The following SIPA1L2 variants were observed in gnomAD, a reference collection of about 807,000 sequenced individuals.
The protein encoded by SIPA1L2 is signal-induced proliferation-associated 1-like protein 2.
In SIPA1L2, 56 loss-of-function variants were observed where a neutral mutation model predicts 163.9. That is an observed-to-expected ratio of 0.34 (90% CI 0.28 to 0.43). The LOEUF is 0.43. Among genes scored for constraint, SIPA1L2 ranks in the 20% least tolerant of loss-of-function variants. The probability of loss-of-function intolerance (pLI) is 1.00; values close to 1 mark genes in which losing one functional copy is unlikely to be tolerated. For missense variants in SIPA1L2, 1,974 were observed against 2,193.5 expected, an observed-to-expected ratio of 0.90 and a Z score of 2.00; for synonymous variants, 877 against 865.7, an observed-to-expected ratio of 1.01 and a Z score of -0.23.
chr1:232,496,560 C>CAAAAA (rs71162247), intron 3 of SIPA1L2, among the ~76,000 whole-genome samples: 1 of 105,370 alleles, frequency 9.5e-6, no homozygotes, highest in Non-Finnish European at 2.0e-5. Context: ...CAGAAGCAGG[C>CAAAAA]AAAAAAAAAA....
chr1:232,401,248 A>G (rs774742442), intron 22 of SIPA1L2, among the ~76,000 whole-genome samples: 10 of 152,194 alleles, frequency 6.6e-5, no homozygotes, highest in Non-Finnish European at 1.5e-4. Context: ...GCCGGTTCTA[A>G]TATGGAAACT....
intron 1 of SIPA1L2, among the ~76,000 whole-genome samples, chr1:232,592,797 G>A (rs773339515): frequency 2.2e-5 from 3 of 135,040 alleles, no homozygotes; most frequent in African/African-American, 5.4e-5. Flanking sequence ...TATCCTCTCC[G>A]AATGTTCACA....
intron 22 of SIPA1L2, among the ~76,000 whole-genome samples, chr1:232,401,129 T>A (rs1159289120): frequency 6.6e-6 from 1 of 152,100 alleles, no homozygotes; most frequent in Non-Finnish European, 1.5e-5. Context: ...CTCTCTCTCG[T>A]CTTGATTTCC....
At chr1:232,611,965 C>A (rs1662259701) in intron 1 of SIPA1L2, among the ~76,000 whole-genome samples, 1 of 152,162 alleles carries the variant, frequency 6.6e-6, no homozygotes, top group Non-Finnish European at 1.5e-5. Flanking sequence ...GGGCCAGGCC[C>A]AGGGTTCCTG....
At chr1:232,504,484 G>A (rs1283862134) in intron 3 of SIPA1L2, among the ~76,000 whole-genome samples, 1 of 151,974 alleles carries the variant, frequency 6.6e-6, no homozygotes, top group Non-Finnish European at 1.5e-5. Flanking sequence ...GTTGCAGTGA[G>A]CCGAGATCGT....
chr1:232,543,185 C>G (rs1317379690), intron 2 of SIPA1L2, among the ~76,000 whole-genome samples: 2 of 152,208 alleles, frequency 1.3e-5, no homozygotes, highest in Admixed American at 1.3e-4. Flanking sequence ...CAAAGCCTTG[C>G]TACTATCCTT....
At chr1:232,626,379 A>G (rs1663081101) in intron 1 of SIPA1L2, among the ~76,000 whole-genome samples, 2 of 152,016 alleles carry the variant, frequency 1.3e-5, no homozygotes, top group South Asian at 4.1e-4. Flanking sequence ...CTACCACCCA[A>G]CTTGGCTATC....
chr1:232,591,894 C>G (rs1660986710), intron 1 of SIPA1L2, among the ~76,000 whole-genome samples: 1 of 152,152 alleles, frequency 6.6e-6, no homozygotes, highest in Non-Finnish European at 1.5e-5. Flanking sequence ...CTGGCTGAGA[C>G]TCTTGCTTAA....
rs147232162 is a variant in SIPA1L2, at chr1:232,513,287, AAATAAT to A, written c.1483+564_1483+569del. ...AAAACCATTTATTTGACATAGAATT[AAATAAT>A]TTATCACTTGTGTCTTAACATTTAA... is the stretch of plus-strand genomic sequence containing the variant. On this transcript the variant is annotated intron_variant, in intron 3 of 22. Coordinates refer to ENST00000674635, the MANE Select transcript of SIPA1L2 (RefSeq NM_020808.5). Among the ~76,000 whole-genome samples, 905 of 152,366 alleles carry A rather than the reference AAATAAT, an allele frequency of 5.9e-3. 24 individuals are homozygous for A. In the South Asian group the frequency reaches 0.078, roughly 13 times the overall value.
intron 9 of SIPA1L2, among the ~76,000 whole-genome samples, chr1:232,461,723 G>A (rs1342638818): frequency 6.6e-6 from 1 of 152,224 alleles, no homozygotes; most frequent in Non-Finnish European, 1.5e-5. Context: ...AGCCCACTCT[G>A]AGGTTCAGGA....
At chr1:232,462,603 A>G (rs966338004) in intron 9 of SIPA1L2, among the ~76,000 whole-genome samples, 3 of 152,232 alleles carry the variant, frequency 2.0e-5, no homozygotes, top group African/African-American at 7.2e-5. Flanking sequence ...TGACGTTTCT[A>G]AAGTCATGAA....
chr1:232,431,528 G>A (rs1662238142), intron 16 of SIPA1L2, among the ~76,000 whole-genome samples: 4 of 152,160 alleles, frequency 2.6e-5, no homozygotes, highest in African/African-American at 4.8e-5. Flanking sequence ...AGCACCACAC[G>A]CCTGATGACG....
chr1:232,542,928 T>C (rs1657781594), intron 2 of SIPA1L2, among the ~76,000 whole-genome samples: 1 of 152,216 alleles, frequency 6.6e-6, no homozygotes, highest in Non-Finnish European at 1.5e-5. Context: ...CACTGGTATT[T>C]GCACATGACA....
chr1:232,587,770 G>A (rs748885924), intron 1 of SIPA1L2, among the ~76,000 whole-genome samples: 2 of 152,156 alleles, frequency 1.3e-5, no homozygotes, highest in Non-Finnish European at 2.9e-5. Context: ...CGTGTTGTGG[G>A]AGGGACCCAG....
chr1:232,489,047 C>T (rs1299838950), intron 5 of SIPA1L2, among the ~76,000 whole-genome samples: 1 of 152,166 alleles, frequency 6.6e-6, no homozygotes, highest in African/African-American at 2.4e-5. Context: ...AGTGGCAGAG[C>T]CCTGAGGGCT....
At chr1:232,434,937 T>A (rs1415829466) in intron 15 of SIPA1L2, among the ~76,000 whole-genome samples, 2 of 152,164 alleles carry the variant, frequency 1.3e-5, no homozygotes, top group Admixed American at 1.3e-4. Flanking sequence ...GTACAGGACA[T>A]CAGGCATTAA....
intron 3 of SIPA1L2, among the ~76,000 whole-genome samples, chr1:232,513,505 T>A (rs1292105414): frequency 6.6e-6 from 1 of 152,014 alleles, no homozygotes; most frequent in Non-Finnish European, 1.5e-5. Flanking sequence ...TTCAGAGGAA[T>A]AGGAGGAGGA....
At chr1:232,502,484 A>T (rs1377337449) in intron 3 of SIPA1L2, among the ~76,000 whole-genome samples, 2 of 152,174 alleles carry the variant, frequency 1.3e-5, no homozygotes, top group African/African-American at 2.4e-5. Flanking sequence ...TTCACTGAGT[A>T]ATTTCTATCA....
intron 19 of SIPA1L2, among the ~76,000 whole-genome samples, chr1:232,411,245 G>T (rs1660938343): frequency 6.6e-6 from 1 of 152,188 alleles, no homozygotes; most frequent in African/African-American, 2.4e-5. Context: ...TATGGTTCAG[G>T]CTGGCCTGGT....
Sources: gnomAD v4.1 joint callset for allele counts (sites outside exome capture counted in the v4.1 genomes callset) on GRCh38, gnomAD v4.1.1 for gene constraint, MANE v1.5 for transcripts, NCBI Gene and HGNC (gene_info 2026-07-23, HGNC 2026-07-21) for gene names.